PLB1: variants seen among roughly 807,000 people sequenced by gnomAD.
The protein encoded by PLB1 is phospholipase B1.
PLB1 carries 242 observed loss-of-function variants against 227.4 expected under a neutral mutation model. The ratio of observed to expected loss-of-function variants is 1.06; its 90% CI spans 0.96 to 1.18. The LOEUF (loss-of-function observed/expected upper bound fraction) is 1.18. PLB1 is among the 50% of genes most tolerant of loss of function. The pLI is 0.00. For synonymous variants in PLB1, 757 were observed against 682.2 expected (o/e 1.11, Z -1.71); for missense variants, 1,858 against 1,816.3 (o/e 1.02, Z -0.42).
intron 56 of PLB1, among the ~76,000 whole-genome samples, chr2:28,639,363 C>T (rs900352443): frequency 2.0e-5 from 3 of 152,044 alleles, no homozygotes; most frequent in Non-Finnish European, 4.4e-5. Flanking sequence ...TTTGGCTCTG[C>T]CCATATGGCG....
chr2:28,588,881 G>A lies in PLB1; in HGVS notation c.1816-569G>A, dbSNP rs72791698. ...TCAGAATAGCTTTAAAAGAAGTCAA[G>A]CTGGCCAGGCGCGGTGGCTCGCACC... On this transcript the variant is annotated intron_variant, in intron 26 of 57. Transcript: ENST00000327757. Among the ~76,000 whole-genome samples the A allele has an allele frequency of 6.8e-3, 1,042 of 152,188 alleles. 8 individuals carry two copies. Among genetic ancestry groups the A allele is most frequent in the Non-Finnish European group, 0.011 (742 of 67,990 alleles).
At chr2:28,513,617 C>G (rs1668518120) in intron 1 of PLB1, among the ~76,000 whole-genome samples, 1 of 152,236 alleles carries the variant, frequency 6.6e-6, no homozygotes, top group African/African-American at 2.4e-5. Flanking sequence ...CCTGACTTCT[C>G]AAATTCTTGC....
At chr2:28,504,393 T>C (rs1667422709) in intron 1 of PLB1, among the ~76,000 whole-genome samples, 1 of 152,228 alleles carries the variant, frequency 6.6e-6, no homozygotes, top group African/African-American at 2.4e-5. Context: ...AAATTGGTAA[T>C]TAAATAACTT....
chr2:28,614,032 A>G lies in PLB1; in HGVS notation c.3131A>G (p.Asn1044Ser), dbSNP rs1305933279. ...AEMPITCPTQ[N>S]EPFLRTPRNS... ...TCCATGTGTTTTTTTTTCTCTTAGA[A>G]TGAGCCCTTCCTGAGAACCCCTCGG... The change falls in exon 44 of 58, where the codon AAT becomes AGT. Residue 1044 changes from asparagine (N) to serine (S), a missense_variant and splice_region_variant. Physicochemically the swap from Asn to Ser is conservative, Grantham distance 46. Coordinates refer to ENST00000327757, the MANE Select transcript of PLB1 (RefSeq NM_153021.5). 1 of 1,611,710 alleles carries G rather than the reference A, an allele frequency of 6.2e-7. No individual in the cohort carries two copies.
In PLB1 at chr2:28,625,070, C is replaced by T. The variant is rs764782711; in HGVS notation, c.3541C>T (p.Gln1181Ter). ...CCCCCCACCTAGGGACATGCCAGCC[C>T]AGGCCTGGGACCTGGTAGAGCGAAT... ...EGARARDMPA[Q>*]AWDLVERMKN... The change falls in exon 50 of 58, where the codon CAG (glutamine) becomes TAG (stop). Residue 1181 changes from glutamine to a stop codon, truncating the protein, a stop_gained. Coordinates refer to ENST00000327757, the MANE Select transcript of PLB1 (RefSeq NM_153021.5). LOFTEE classifies it high-confidence loss of function. 1.9e-6 allele frequency: 3 copies of T among 1,613,838 alleles called. No homozygotes were observed. Among genetic ancestry groups the T allele is most frequent in the East Asian group, 4.5e-5 (2 of 44,848 alleles).
At chr2:28,594,109 G>C in intron 33 of PLB1, 1 of 571,288 alleles carries the variant, frequency 1.8e-6, no homozygotes, top group Non-Finnish European at 3.5e-6. Flanking sequence ...CTACGTCTCT[G>C]TTTACTGTCT....
At chr2:28,568,122 A>G (rs1330931329) in intron 20 of PLB1, among the ~76,000 whole-genome samples, 1 of 152,180 alleles carries the variant, frequency 6.6e-6, no homozygotes, top group Non-Finnish European at 1.5e-5. Flanking sequence ...ATTTAGGTAG[A>G]CAGGGTTCTG....
intron 25 of PLB1, among the ~76,000 whole-genome samples, chr2:28,584,343 G>A (rs369485425): frequency 1.3e-4 from 20 of 152,362 alleles, no homozygotes; most frequent in African/African-American, 4.6e-4. Context: ...TCACGGTGCT[G>A]TGAGCAGAGA....
intron 1 of PLB1, 92 bp from the exon 2 acceptor site, chr2:28,516,716 A>T: frequency 8.8e-7 from 1 of 1,136,552 alleles, no homozygotes. Context: ...CTGGGCACAC[A>T]GATATGGCTA....
intron 48 of PLB1, 112 bp downstream of exon 48, chr2:28,620,755 G>C (rs1223449463): frequency 5.9e-6 from 9 of 1,528,724 alleles, no homozygotes; most frequent in Non-Finnish European, 8.2e-6. Context: ...AAGTCAGCCA[G>C]CCCTGAAAAG....
At chr2:28,630,079 C>T (rs930754868) in intron 53 of PLB1, among the ~76,000 whole-genome samples, 1 of 152,142 alleles carries the variant, frequency 6.6e-6, no homozygotes, top group African/African-American at 2.4e-5. Context: ...AGCCGGTTGG[C>T]CCTCCCCAGC....
chr2:28,560,170 C>T (rs1675831558), intron 17 of PLB1, among the ~76,000 whole-genome samples: 1 of 152,186 alleles, frequency 6.6e-6, no homozygotes, highest in South Asian at 2.1e-4. Flanking sequence ...TTGGTACAAA[C>T]TCTGTACTAG....
At chr2:28,587,462 T>G (rs925075072) in intron 26 of PLB1, among the ~76,000 whole-genome samples, 1 of 151,992 alleles carries the variant, frequency 6.6e-6, no homozygotes, top group East Asian at 1.9e-4. Flanking sequence ...ATACCAAAAT[T>G]AGTCGGACGT....
intron 16 of PLB1, among the ~76,000 whole-genome samples, chr2:28,552,352 G>A (rs914555629): frequency 3.9e-5 from 6 of 152,194 alleles, no homozygotes; most frequent in African/African-American, 1.4e-4. Context: ...GGAGACTTAG[G>A]TCAAGGGCTG....
intron 11 of PLB1, among the ~76,000 whole-genome samples, chr2:28,539,820 G>T (rs146904318): frequency 1.3e-5 from 2 of 151,868 alleles, no homozygotes; most frequent in Non-Finnish European, 1.5e-5. Flanking sequence ...AACAGTGAGC[G>T]GGGAGGAGGA....
intron 56 of PLB1, among the ~76,000 whole-genome samples, chr2:28,638,593 C>T (rs772323668): frequency 1.8e-4 from 28 of 151,798 alleles, no homozygotes; most frequent in Admixed American, 1.2e-3. Flanking sequence ...GGAGGAGAGA[C>T]GCTGTCGTGG....
rs144322203 is a variant in PLB1, at chr2:28,548,904, C to A, written c.981C>A (p.His327Gln). ...AAGATGAGCCATTGAGTGTAAAACA[C>A]GGGAGGCCAATGAAGTGTCCCTCTC... ...GEKDEPLSVK[H>Q]GRPMKCPSQE... Residue 327 changes from histidine to glutamine, a missense_variant, in exon 15 of 58, where the codon CAC becomes CAA. His to Gln is a conservative substitution (Grantham distance 24, BLOSUM62 0). Transcript: ENST00000327757. The A allele has an allele frequency of 6.2e-7, 1 of 1,614,046 alleles. No homozygotes were observed. The highest frequency in any genetic ancestry group is 1.3e-5 in the African/African-American group (1 of 75,016).
chr2:28,614,255 C>T (rs1350465101), intron 44 of PLB1, among the ~76,000 whole-genome samples, 159 bp downstream of exon 44: 1 of 152,128 alleles, frequency 6.6e-6, no homozygotes, highest in African/African-American at 2.4e-5. Context: ...GACCACGAAG[C>T]CCCAGGATTG....
chr2:28,599,802 G>C (rs1573327530), intron 35 of PLB1, among the ~76,000 whole-genome samples: 1 of 150,760 alleles, frequency 6.6e-6, no homozygotes, highest in South Asian at 2.1e-4. Context: ...TTTTAGTAGA[G>C]ATAGGATTTC....
Sources: allele counts gnomAD v4.1 joint callset (sites outside exome capture counted in the v4.1 genomes callset), GRCh38; gene constraint gnomAD v4.1.1; transcripts MANE v1.5; gene names NCBI Gene and HGNC (gene_info 2026-07-23, HGNC 2026-07-21).